ABRAXAS1: variants seen among roughly 807,000 people sequenced by gnomAD.
The protein encoded by ABRAXAS1 is BRCA1-A complex subunit Abraxas 1.
In ABRAXAS1, 26 loss-of-function variants were observed where a neutral mutation model predicts 38.4. The ratio of observed to expected loss-of-function variants is 0.68; its 90% CI spans 0.50 to 0.94. The LOEUF (loss-of-function observed/expected upper bound fraction) is 0.94, where lower values mean the gene tolerates loss of function less well. ABRAXAS1 is among the 40% of genes least tolerant of loss of function. The probability of loss-of-function intolerance (pLI) is 0.00; values close to 1 mark genes in which losing one functional copy is unlikely to be tolerated. For synonymous variants in ABRAXAS1, 144 were observed against 165.5 expected (o/e 0.87, Z 1.00); for missense variants, 438 against 481.9 (o/e 0.91, Z 0.85).
At position 83,462,670 on chromosome 4, in the gene ABRAXAS1, G is replaced by GATTTGTGGT; in HGVS notation, c.1020_1028dup (p.Pro341_Ile343dup). 1 of 1,613,956 alleles carries GATTTGTGGT rather than the reference G, an allele frequency of 6.2e-7. No individual in the cohort carries two copies. Among genetic ancestry groups the GATTTGTGGT allele is most frequent in the South Asian group, 1.1e-5 (1 of 91,068 alleles). ...CTAAGTCTAAGGCTTTATGCTTAAT[G>GATTTGTGGT]ATTTGTGGTGTACTAGCTGGACTAG... On this transcript the variant is annotated inframe_insertion, in exon 9 of 9. Transcript: ENST00000321945.
intron 3 of ABRAXAS1, among the ~76,000 whole-genome samples, chr4:83,473,807 G>T (rs1294602728): frequency 6.6e-6 from 1 of 151,494 alleles, no homozygotes; most frequent in African/African-American, 2.4e-5. Flanking sequence ...GAGCCACCAT[G>T]ACCCACCTGC....
intron 4 of ABRAXAS1, among the ~76,000 whole-genome samples, chr4:83,471,146 A>G (rs1311754742): frequency 2.0e-5 from 3 of 151,852 alleles, no homozygotes; most frequent in Non-Finnish European, 4.4e-5. Context: ...TTGGGGGGAA[A>G]AAACACAAGC....
At chr4:83,463,450 TAAAA>T in intron 8 of ABRAXAS1, 40 bp downstream of exon 8, 1 of 1,376,278 alleles carries the variant, frequency 7.3e-7, no homozygotes, top group East Asian at 2.4e-5. Flanking sequence ...AATAAATAAA[TAAAA>T]ATTTTTAGCA....
chr4:83,477,155 A>T (rs1286542959), intron 2 of ABRAXAS1, among the ~76,000 whole-genome samples: 2 of 152,194 alleles, frequency 1.3e-5, no homozygotes, highest in Non-Finnish European at 2.9e-5. Flanking sequence ...CATCTGTGAT[A>T]ATCCAACATT....
At chr4:83,483,332 GTGCAGCGGTGCAATCACTACTCAC>G (rs1723062484) in intron 1 of ABRAXAS1, among the ~76,000 whole-genome samples, 2 of 149,614 alleles carry the variant, frequency 1.3e-5, no homozygotes, top group Non-Finnish European at 3.0e-5. Context: ...CCAGGCTGGA[GTGCAGCGGTGCAATCACTACTCAC>G]TGCAGCTTTG....
chr4:83,484,424 T>C (rs1019451405), intron 1 of ABRAXAS1, among the ~76,000 whole-genome samples: 4 of 152,250 alleles, frequency 2.6e-5, no homozygotes, highest in Admixed American at 1.3e-4. Flanking sequence ...TTAAAAACTG[T>C]TTTAACAAAT....
At chr4:83,484,618 G>C (rs1723113867) in intron 1 of ABRAXAS1, among the ~76,000 whole-genome samples, 1 of 152,232 alleles carries the variant, frequency 6.6e-6, no homozygotes. Context: ...CGGGCGTCGC[G>C]AGAAACGGAA....
chr4:83,476,509 A>C (rs1211094489), intron 3 of ABRAXAS1, 134 bp downstream of exon 3: 2 of 530,960 alleles, frequency 3.8e-6, no homozygotes, highest in African/African-American at 1.9e-5. Context: ...AGCTATTTAA[A>C]AAAAACTTTC....
rs924636954 is a variant in ABRAXAS1 at position 83,482,393 on chromosome 4, T to C, written c.88-149A>G. ...AAGATCTGAGATGCTTCTAGTTTAC[T>C]TGGGAAAGATGAAGAGTTAAATAAA... On this transcript the variant is annotated intron_variant, in intron 1 of 8. Coordinates refer to ENST00000321945, the MANE Select transcript of ABRAXAS1 (RefSeq NM_139076.3). 1.4e-5 allele frequency: 7 copies of C among 510,572 alleles called. No homozygotes were observed. In the African/African-American group the frequency reaches 1.4e-4, roughly 10 times the overall value. The allele number at this position is 510,572 out of a possible 1,614,324, so 31.6% of individuals were successfully genotyped here.
At chr4:83,482,726 G>GGAA (rs1723042158) in intron 1 of ABRAXAS1, among the ~76,000 whole-genome samples, 1 of 152,016 alleles carries the variant, frequency 6.6e-6, no homozygotes, top group Admixed American at 6.6e-5. Flanking sequence ...AAAGAGGAGA[G>GGAA]GAAGGGAAAG....
Position 83,470,216 on chromosome 4 carries a change from TA to T in ABRAXAS1, c.462del (p.Tyr154Ter). 1 of 1,611,560 alleles carries T rather than the reference TA, an allele frequency of 6.2e-7. No homozygotes were observed. The highest frequency in any genetic ancestry group is 8.5e-7 in the Non-Finnish European group (1 of 1,178,738). On this transcript the variant is annotated frameshift_variant, in exon 5 of 9. Transcript: ENST00000321945. LOFTEE classifies it high-confidence loss of function. ...CSTHRLEHSL[Y>X]KPQKGLFHRV... is the part of the protein sequence containing the mutation. Reference sequence around the variant, plus strand: ...GCCAACATTTACCCTTTTTGAGGTTTATATAAGGAATGTTCCAGTCGATGAG... The same window carrying T: ...GCCAACATTTACCCTTTTTGAGGTTTTATAAGGAATGTTCCAGTCGATGAG...
At chr4:83,473,434 T>C (rs968027736) in intron 3 of ABRAXAS1, among the ~76,000 whole-genome samples, 1 of 152,180 alleles carries the variant, frequency 6.6e-6, no homozygotes, top group African/African-American at 2.4e-5. Context: ...GTAAGATTAG[T>C]AACAGGATAA....
At chr4:83,468,799 C>T (rs1233637378) in intron 6 of ABRAXAS1, among the ~76,000 whole-genome samples, 4 of 152,024 alleles carry the variant, frequency 2.6e-5, no homozygotes, top group East Asian at 1.9e-4. Flanking sequence ...CTCAGCCTCC[C>T]GAAGTGCTGG....
intron 2 of ABRAXAS1, among the ~76,000 whole-genome samples, chr4:83,481,876 A>G (rs1005148323): frequency 3.9e-5 from 6 of 152,008 alleles, no homozygotes; most frequent in African/African-American, 1.5e-4. Context: ...CAGCCTCCCA[A>G]GTAACTGGGA....
Position 83,461,185 on chromosome 4 carries a change from A to G in ABRAXAS1, c.*1284T>C. ...AGGACCCTAAAGTTTGTAACATCAG[A>G]TATCGGGAATAAATTCTATCACGTT... is the stretch of plus-strand genomic sequence containing the variant. On this transcript the variant is annotated 3_prime_UTR_variant, in exon 9 of 9. Transcript: ENST00000321945. 1 of 1,611,868 alleles carries G rather than the reference A, an allele frequency of 6.2e-7. No individual in the cohort carries two copies. The highest frequency in any genetic ancestry group is 2.0e-4 in the Middle Eastern group (1 of 4,918).
chr4:83,470,222 A>G lies in ABRAXAS1; in HGVS notation c.457T>C (p.Leu153=). ...SCSTHRLEHS[L]YKPQKGLFHR... ...ATTTACCCTTTTTGAGGTTTATATA[A>G]GGAATGTTCCAGTCGATGAGTAGAG... The change falls in exon 5 of 9, where the codon TTA becomes CTA. Residue 153 remains leucine, a synonymous_variant. Transcript: ENST00000321945. The G allele has an allele frequency of 6.2e-7, 1 of 1,612,682 alleles. No homozygotes were observed. The highest frequency in any genetic ancestry group is 8.5e-7 in the Non-Finnish European group (1 of 1,179,274).
intron 3 of ABRAXAS1, among the ~76,000 whole-genome samples, chr4:83,472,614 A>C (rs1242812937): frequency 1.3e-5 from 2 of 152,234 alleles, no homozygotes; most frequent in Non-Finnish European, 2.9e-5. Context: ...CCGGTTCACA[A>C]TTCATTCAGT....
At position 83,460,935 on chromosome 4, in the gene ABRAXAS1, G is replaced by T. The variant is rs1722078926; in HGVS notation, c.*1534C>A. 2 of 1,562,278 alleles carry T rather than the reference G, an allele frequency of 1.3e-6. No homozygotes were observed. The highest frequency in any genetic ancestry group is 1.2e-5 in the South Asian group (1 of 84,390). On this transcript the variant is annotated 3_prime_UTR_variant, in exon 9 of 9. Coordinates refer to ENST00000321945, the MANE Select transcript of ABRAXAS1 (RefSeq NM_139076.3). ...AAAAAAATTGCAAACTTTAAATATT[G>T]ACATTTTTTATGAATAAGAAAGCTT...
chr4:83,472,589 T>C (rs1722622835), intron 3 of ABRAXAS1, among the ~76,000 whole-genome samples: 10 of 152,208 alleles, frequency 6.6e-5, no homozygotes, highest in Admixed American at 6.5e-4. Flanking sequence ...GGTATTAAAA[T>C]GTAAGTTCAC....
Sources: allele counts gnomAD v4.1 joint callset (sites outside exome capture counted in the v4.1 genomes callset), GRCh38; gene constraint gnomAD v4.1.1; transcripts MANE v1.5; gene names NCBI Gene and HGNC (gene_info 2026-07-23, HGNC 2026-07-21).